The following DSCAM variants were observed in gnomAD, a reference collection of about 807,000 sequenced individuals.
DSCAM encodes the protein cell adhesion molecule DSCAM.
DSCAM carries 47 observed loss-of-function variants against 217.7 expected under a neutral mutation model. The observed-to-expected ratio is 0.22, with a 90% CI of 0.17 to 0.28. The LOEUF (loss-of-function observed/expected upper bound fraction) is 0.28, where lower values mean the gene tolerates loss of function less well. DSCAM is among the 10% of genes least tolerant of loss of function. The pLI is 1.00. For missense variants in DSCAM, 2,080 were observed against 2,618.3 expected, an observed-to-expected ratio of 0.79 and a Z score of 4.49; for synonymous variants, 1,056 against 1,015.3, an observed-to-expected ratio of 1.04 and a Z score of -0.76.
chr21:40,775,112 T>C (rs756174757), intron 1 of DSCAM, among the ~76,000 whole-genome samples: 10 of 152,192 alleles, frequency 6.6e-5, no homozygotes, highest in Middle Eastern at 3.4e-3. Flanking sequence ...TCCTGAAAGA[T>C]TGAAATCCCT....
chr21:40,265,036 T>A lies in DSCAM; in HGVS notation c.2356+11061A>T, dbSNP rs182292089. ...AAACCCCATTTATACTGAAAAAAAA[T>A]ATAAAAATTAGCCAGGTGTAGTGAC... On this transcript the variant is annotated intron_variant, in intron 11 of 32. Coordinates refer to ENST00000400454, the MANE Select transcript of DSCAM (RefSeq NM_001389.5). 4.8e-4 allele frequency among the ~76,000 whole-genome samples: 72 copies of A among 150,662 alleles called. 1 individual carries two copies. In the South Asian group the frequency reaches 8.6e-3, roughly 18 times the overall value.
At chr21:40,526,784 C>A (rs895073207) in intron 3 of DSCAM, among the ~76,000 whole-genome samples, 1 of 151,628 alleles carries the variant, frequency 6.6e-6, no homozygotes, top group Non-Finnish European at 1.5e-5. Flanking sequence ...AAATACAGAG[C>A]ACTTTTATTT....
At chr21:40,458,665 T>C (rs2075782317) in intron 3 of DSCAM, among the ~76,000 whole-genome samples, 1 of 152,086 alleles carries the variant, frequency 6.6e-6, no homozygotes, top group Non-Finnish European at 1.5e-5. Context: ...AGATTGTTGA[T>C]TAAACATCAA....
chr21:40,483,846 G>T (rs1261058315), intron 3 of DSCAM, among the ~76,000 whole-genome samples: 1 of 152,136 alleles, frequency 6.6e-6, no homozygotes, highest in South Asian at 2.1e-4. Context: ...TGCTGTGAAT[G>T]CTTTCTATGA....
intron 11 of DSCAM, 102 bp downstream of exon 11, chr21:40,275,995 G>T: frequency 8.1e-7 from 1 of 1,240,590 alleles, no homozygotes; most frequent in Non-Finnish European, 1.1e-6. Flanking sequence ...GTCTTCTTTT[G>T]TGTTGCTTTT....
intron 1 of DSCAM, among the ~76,000 whole-genome samples, chr21:40,818,115 A>G (rs1175407251): frequency 6.7e-6 from 1 of 148,878 alleles, no homozygotes; most frequent in Non-Finnish European, 1.5e-5. Flanking sequence ...AAAAAAAAAA[A>G]AAAAAAAAAA....
At chr21:40,573,331 C>G (rs2076823439) in intron 3 of DSCAM, among the ~76,000 whole-genome samples, 1 of 152,006 alleles carries the variant, frequency 6.6e-6, no homozygotes, top group Admixed American at 6.6e-5. Context: ...GAGCAAGACT[C>G]TGTCTCAAAT....
At chr21:40,458,372 C>T (rs1455830243) in intron 3 of DSCAM, among the ~76,000 whole-genome samples, 2 of 151,998 alleles carry the variant, frequency 1.3e-5, no homozygotes, top group African/African-American at 4.8e-5. Flanking sequence ...GATCGAAGAA[C>T]ATTTACAAAA....
chr21:40,070,680 G>A (rs2089281685), intron 27 of DSCAM, among the ~76,000 whole-genome samples: 1 of 152,164 alleles, frequency 6.6e-6, no homozygotes, highest in Non-Finnish European at 1.5e-5. Context: ...GCACATTCCT[G>A]CTTTAGGTTA....
At chr21:40,184,014 T>C (rs1272629059) in intron 14 of DSCAM, among the ~76,000 whole-genome samples, 2 of 152,140 alleles carry the variant, frequency 1.3e-5, no homozygotes, top group East Asian at 3.9e-4. Context: ...CAGGGCTCAC[T>C]ATGGCCCATA....
chr21:40,381,062 C>CAAAAA lies in DSCAM; in HGVS notation c.509-11822_509-11818dup, dbSNP rs71186932. On this transcript the variant is annotated intron_variant, in intron 3 of 32. Coordinates refer to ENST00000400454, the MANE Select transcript of DSCAM (RefSeq NM_001389.5). ...TGGGCGACAGAGCGAGACTCCGTCT[C>CAAAAA]AAAAAAAAAAAAAAAAAAAAAAGAA... Among the ~76,000 whole-genome samples, 40 of 66,170 alleles carry CAAAAA rather than the reference C, an allele frequency of 6.0e-4. 1 individual carries two copies. The highest frequency in any genetic ancestry group is 5.9e-4 in the East Asian group (1 of 1,690). 43.4% of individuals were successfully genotyped at this position (66,170 alleles called of 152,430 possible). A position where few individuals can be genotyped will look rare whatever the true frequency, so the allele number is the denominator to read the frequency against.
intron 3 of DSCAM, among the ~76,000 whole-genome samples, chr21:40,498,293 T>G (rs1371525048): frequency 6.6e-6 from 1 of 152,022 alleles, no homozygotes. Flanking sequence ...TCACTGTATT[T>G]CAGTGAGCCT....
chr21:40,172,283 A>AT (rs764619877), intron 15 of DSCAM, among the ~76,000 whole-genome samples: 12 of 152,206 alleles, frequency 7.9e-5, no homozygotes, highest in Non-Finnish European at 1.3e-4. Flanking sequence ...AAAACAAGTG[A>AT]TTTTACAAAA....
At chr21:40,364,829 T>C (rs1337153732) in intron 4 of DSCAM, among the ~76,000 whole-genome samples, 1 of 148,674 alleles carries the variant, frequency 6.7e-6, no homozygotes, top group Non-Finnish European at 1.5e-5. Context: ...CTCTTAGAGC[T>C]TAGGATAAAA....
intron 3 of DSCAM, among the ~76,000 whole-genome samples, chr21:40,555,549 T>C (rs1182672232): frequency 6.6e-6 from 1 of 152,188 alleles, no homozygotes. Context: ...TTATAGAAAA[T>C]GACATATTAA....
chr21:40,104,377 A>G (rs1030236706), intron 20 of DSCAM, among the ~76,000 whole-genome samples: 1 of 152,234 alleles, frequency 6.6e-6, no homozygotes, highest in Non-Finnish European at 1.5e-5. Context: ...TGTTAATTGA[A>G]AAATGATTTA....
intron 3 of DSCAM, among the ~76,000 whole-genome samples, chr21:40,623,119 G>A (rs73905011): frequency 0.021 from 3,250 of 152,158 alleles, 98 homozygotes; most frequent in African/African-American, 0.075. Flanking sequence ...TGTGAGATGT[G>A]TTTACTCGTT....
chr21:40,670,665 C>A (rs2090263259), intron 3 of DSCAM, among the ~76,000 whole-genome samples: 1 of 152,072 alleles, frequency 6.6e-6, no homozygotes, highest in African/African-American at 2.4e-5. Flanking sequence ...TGTCAGAGTT[C>A]TCTTTCTTTT....
intron 3 of DSCAM, among the ~76,000 whole-genome samples, chr21:40,651,706 T>C (rs890278247): frequency 1.3e-5 from 2 of 152,248 alleles, no homozygotes; most frequent in South Asian, 2.1e-4. Flanking sequence ...TACATGCATA[T>C]TATAGCCAAC....
Sources: gnomAD v4.1 joint callset for allele counts (sites outside exome capture counted in the v4.1 genomes callset) on GRCh38, gnomAD v4.1.1 for gene constraint, MANE v1.5 for transcripts, NCBI Gene and HGNC (gene_info 2026-07-23, HGNC 2026-07-21) for gene names.